Variants in HOXD12 observed in about 807,000 individuals in gnomAD.
HOXD12 encodes the protein homeobox protein Hox-D12.
A neutral mutation model predicts 20.2 loss-of-function variants in HOXD12; 21 were observed. That is an observed-to-expected ratio of 1.04 (90% CI 0.74 to 1.50). The LOEUF is 1.50. Ranked by LOEUF, HOXD12 falls within the 40% of genes most tolerant of loss-of-function variation. The pLI is 0.00. For missense variants in HOXD12, 472 were observed against 365.5 expected, an observed-to-expected ratio of 1.29 and a Z score of -2.38; for synonymous variants, 196 against 168.8, an observed-to-expected ratio of 1.16 and a Z score of -1.25.
rs1689482062 is a variant in HOXD12 at position 176,100,656 on chromosome 2, A to T, written c.709A>T (p.Asn237Tyr). Residue 237 changes from asparagine (N) to tyrosine (Y), a missense_variant, in exon 2 of 2, where the codon AAT becomes TAT. Physicochemically the swap from Asn to Tyr is moderately radical, Grantham distance 143 (BLOSUM62 -2). Transcript: ENST00000406506. ...INRQKRKELS[N>Y]RLNLSDQQVK... ...CAGGCAGAAACGCAAGGAATTGTCC[A>T]ATAGGCTGAACCTCAGCGACCAGCA... is the stretch of plus-strand genomic sequence containing the variant. The T allele has an allele frequency of 1.9e-6, 3 of 1,613,956 alleles. No individual in the cohort carries two copies. Among genetic ancestry groups the T allele is most frequent in the Non-Finnish European group, 1.7e-6 (2 of 1,179,836 alleles).
Position 176,101,122 on chromosome 2 carries a change from T to C in HOXD12, c.*362T>C. 5.7e-6 allele frequency: 2 copies of C among 353,540 alleles called. No homozygotes were observed. Among genetic ancestry groups the C allele is most frequent in the Non-Finnish European group, 5.2e-6 (1 of 190,638 alleles). The allele number at this position is 353,540 out of a possible 1,614,324, so 21.9% of individuals were successfully genotyped here. On this transcript the variant is annotated 3_prime_UTR_variant, in exon 2 of 2. Coordinates refer to ENST00000406506, the MANE Select transcript of HOXD12 (RefSeq NM_021193.4). ...ACCCAATTCGTTCTCCCTTTCCCCC[T>C]CTCTCCAGCCCCTTCAGCGTATAGC... is the stretch of plus-strand genomic sequence containing the variant.
At position 176,101,177 on chromosome 2, in the gene HOXD12, G is replaced by A. The variant is rs1245247208; in HGVS notation, c.*417G>A. ...GCCTAGTTAGGGCTCAGAGTGGAAG[G>A]CCTCCTGAGGGAATGGAAAGGACTG... On this transcript the variant is annotated 3_prime_UTR_variant, in exon 2 of 2. Transcript: ENST00000406506. 4.5e-6 allele frequency: 1 copy of A among 221,294 alleles called. No homozygotes were observed. Among genetic ancestry groups the A allele is most frequent in the Non-Finnish European group, 9.0e-6 (1 of 111,256 alleles). 13.7% of individuals were successfully genotyped at this position (221,294 alleles called of 1,614,324 possible).
In HOXD12 at chr2:176,099,896, A is replaced by T. The variant is rs901179630; in HGVS notation, c.95A>T (p.Asn32Ile). 13 of 1,594,724 alleles carry T rather than the reference A, an allele frequency of 8.2e-6. No homozygotes were observed. The highest frequency in any genetic ancestry group is 1.1e-5 in the Non-Finnish European group (13 of 1,173,168). ...TTCTACTTCTCCAACCTGAGGCCGA[A>T]TGGCGGCCAGTTGGCCGCGCTTCCC... ...DSFYFSNLRP[N>I]GGQLAALPPI... Residue 32 changes from asparagine (N) to isoleucine (I), a missense_variant, in exon 1 of 2, where the codon AAT becomes ATT. Physicochemically the swap from Asn to Ile is moderately radical, Grantham distance 149. Transcript: ENST00000406506.
In HOXD12 at chr2:176,099,980, C is replaced by T; in HGVS notation, c.179C>T (p.Pro60Leu). The change falls in exon 1 of 2, where the codon CCC becomes CTC. Residue 60 changes from proline (P) to leucine (L), a missense_variant. Coordinates refer to ENST00000406506, the MANE Select transcript of HOXD12 (RefSeq NM_021193.4). Reference sequence around the variant, plus strand: ...GCCGCCACGCCCGCCTCCTGCGCCCCCGCGCAGCCTGCGGGCGCCACTGCC... The same window carrying T: ...GCCGCCACGCCCGCCTCCTGCGCCCTCGCGCAGCCTGCGGGCGCCACTGCC... The part of the protein sequence containing the change: ...PWAATPASCA[P>L]AQPAGATAFG... 1 of 1,591,604 alleles carries T rather than the reference C, an allele frequency of 6.3e-7. No individual in the cohort carries two copies. The highest frequency in any genetic ancestry group is 1.8e-5 in the Admixed American group (1 of 56,566).
rs1214124704 is a variant in HOXD12, at chr2:176,102,214, CACA to C, written c.*1460_*1462del. ...CTCCTTCGCAATTCCTAGCATGATG[CACA>C]ACAACTCAAGGATTCAGGATTCCTT... On this transcript the variant is annotated 3_prime_UTR_variant, in exon 2 of 2. Coordinates refer to ENST00000406506, the MANE Select transcript of HOXD12 (RefSeq NM_021193.4). Among the ~76,000 whole-genome samples the C allele has an allele frequency of 6.6e-6, 1 of 152,220 alleles. No homozygotes were observed. Among genetic ancestry groups the C allele is most frequent in the Non-Finnish European group, 1.5e-5 (1 of 68,042 alleles).
At position 176,101,026 on chromosome 2, in the gene HOXD12, C is replaced by T; in HGVS notation, c.*266C>T. The T allele has an allele frequency of 1.8e-6, 1 of 551,556 alleles. No individual in the cohort carries two copies. The highest frequency in any genetic ancestry group is 3.2e-6 in the Non-Finnish European group (1 of 310,972). The allele number at this position is 551,556 out of a possible 1,614,324, so 34.2% of individuals were successfully genotyped here. On this transcript the variant is annotated 3_prime_UTR_variant, in exon 2 of 2. Coordinates refer to ENST00000406506, the MANE Select transcript of HOXD12 (RefSeq NM_021193.4). ...CGTTGGGGGACTGAGGCCAACTCTC[C>T]TTGCTCCTGGCTGGGGCATTTGCAC...
chr2:176,099,976 GC>G lies in HOXD12; in HGVS notation c.180del (p.Ala61ArgfsTer112), dbSNP rs1559110814. The G allele has an allele frequency of 6.3e-7, 1 of 1,593,088 alleles. No individual in the cohort carries two copies. The highest frequency in any genetic ancestry group is 8.5e-7 in the Non-Finnish European group (1 of 1,170,956). ...LPWAATPASC[A>X]PAQPAGATAF... is the part of the protein sequence containing the mutation. ...CTGGGCCGCCACGCCCGCCTCCTGC[GC>G]CCCCGCGCAGCCTGCGGGCGCCACT... On this transcript the variant is annotated frameshift_variant, in exon 1 of 2. Transcript: ENST00000406506. LOFTEE classifies it high-confidence loss of function.
At position 176,100,062 on chromosome 2, in the gene HOXD12, C is replaced by T. The variant is rs566833254; in HGVS notation, c.261C>T (p.Pro87=). ...GCTCCGGGCCTCTCGGCCTGCAGCCCCCAACAGCCAAAGACGGACCCGAAG... is the reference window on the plus strand; with the variant it reads ...GCTCCGGGCCTCTCGGCCTGCAGCCTCCAACAGCCAAAGACGGACCCGAAG... ...LAGSGPLGLQ[P]PTAKDGPEEQ... Residue 87 remains proline (P), a synonymous_variant, in exon 1 of 2, where the codon CCC becomes CCT. Transcript: ENST00000406506. The T allele has an allele frequency of 3.6e-5, 57 of 1,590,690 alleles. No individual in the cohort carries two copies. The South Asian group carries it at 4.2e-4, about 12-fold the overall frequency.
rs1689509608 is a variant in HOXD12 at position 176,102,287 on chromosome 2, A to T, written c.*1527A>T. ...TTTTCAGTGCAGGACCTGGCCCTAA[A>T]TCTGGAGTGGGCCCCTCACAGAGAG... On this transcript the variant is annotated 3_prime_UTR_variant, in exon 2 of 2. Transcript: ENST00000406506. 6.6e-6 allele frequency among the ~76,000 whole-genome samples: 1 copy of T among 152,170 alleles called. No homozygotes were observed. Among genetic ancestry groups the T allele is most frequent in the Non-Finnish European group, 1.5e-5 (1 of 68,034 alleles).
rs1689492454 is a variant in HOXD12 at position 176,101,308 on chromosome 2, C to A, written c.*548C>A. On this transcript the variant is annotated 3_prime_UTR_variant, in exon 2 of 2. Transcript: ENST00000406506. ...TCCACCCTCCACCCTCCTGTCTGCC[C>A]TGGCTGATTTGAGAGAACAAAAGCC... The A allele has an allele frequency of 6.5e-6, 1 of 153,728 alleles. No individual in the cohort carries two copies. The highest frequency in any genetic ancestry group is 1.4e-5 in the Non-Finnish European group (1 of 69,244). The allele number at this position is 153,728 out of a possible 1,614,324, so 9.5% of individuals were successfully genotyped here.
At position 176,099,923 on chromosome 2, in the gene HOXD12, CT is replaced by C. The variant is rs779393610; in HGVS notation, c.123del (p.Ile42SerfsTer131). On this transcript the variant is annotated frameshift_variant, in exon 1 of 2. Coordinates refer to ENST00000406506, the MANE Select transcript of HOXD12 (RefSeq NM_021193.4). LOFTEE classifies it high-confidence loss of function. Reference protein sequence around the residue: ...PNGGQLAALPPISYPRGALPW... With the variant: ...PNGGQLAALPXISYPRGALPW... ...GGCGGCCAGTTGGCCGCGCTTCCCCCTATCTCCTACCCGCGCGGCGCGCTGC... is the reference window on the plus strand; with the variant it reads ...GGCGGCCAGTTGGCCGCGCTTCCCCCATCTCCTACCCGCGCGGCGCGCTGC... 32 of 1,595,082 alleles carry C rather than the reference CT, an allele frequency of 2.0e-5. No homozygotes were observed. Among genetic ancestry groups the C allele is most frequent in the Non-Finnish European group, 2.4e-5 (28 of 1,173,512 alleles).
rs79246653 is a variant in HOXD12 at position 176,102,327 on chromosome 2, C to T, written c.*1567C>T. Among the ~76,000 whole-genome samples the T allele has an allele frequency of 3.7e-3, 558 of 152,306 alleles. 8 individuals are homozygous for T. The highest frequency in any genetic ancestry group is 0.032 in the East Asian group (164 of 5,182). On this transcript the variant is annotated 3_prime_UTR_variant, in exon 2 of 2. Coordinates refer to ENST00000406506, the MANE Select transcript of HOXD12 (RefSeq NM_021193.4). The stretch of plus-strand genomic sequence containing the variant: ...CTCACAGAGAGCCCTGAGCCTTAGC[C>T]CAACTGACTTCAGTTGATATTTAAA...
chr2:176,100,685 C>G lies in HOXD12; in HGVS notation c.738C>G (p.Val246=). The G allele has an allele frequency of 6.2e-7, 1 of 1,614,020 alleles. No individual in the cohort carries two copies. Among genetic ancestry groups the G allele is most frequent in the Non-Finnish European group, 8.5e-7 (1 of 1,179,876 alleles). Reference sequence around the variant, plus strand: ...GGCTGAACCTCAGCGACCAGCAAGTCAAAATCTGGTTCCAGAACAGGCGTA... The same window carrying G: ...GGCTGAACCTCAGCGACCAGCAAGTGAAAATCTGGTTCCAGAACAGGCGTA... ...SNRLNLSDQQ[V]KIWFQNRRMK... The change falls in exon 2 of 2, where the codon GTC becomes GTG. Residue 246 remains valine (V), a synonymous_variant. Coordinates refer to ENST00000406506, the MANE Select transcript of HOXD12 (RefSeq NM_021193.4).
At position 176,102,022 on chromosome 2, in the gene HOXD12, G is replaced by A. The variant is rs1443952777; in HGVS notation, c.*1262G>A. 1.3e-5 allele frequency among the ~76,000 whole-genome samples: 2 copies of A among 152,208 alleles called. No homozygotes were observed. Among genetic ancestry groups the A allele is most frequent in the Non-Finnish European group, 2.9e-5 (2 of 68,034 alleles). On this transcript the variant is annotated 3_prime_UTR_variant, in exon 2 of 2. Coordinates refer to ENST00000406506, the MANE Select transcript of HOXD12 (RefSeq NM_021193.4). ...CCCAGTGGAGACTTTAAGGCCCTGG[G>A]CCCTGCCAGGCTTGCCTCATGGAGG... is the stretch of plus-strand genomic sequence containing the variant.
At chr2:176,100,486 C>T (rs761488775) in intron 1 of HOXD12, 36 bp from the exon 2 acceptor site, 7 of 1,586,354 alleles carry the variant, frequency 4.4e-6, no homozygotes, top group African/African-American at 1.3e-5. Flanking sequence ...AGACAGAGTA[C>T]GGGCTGGGTT....
Position 176,100,328 on chromosome 2 carries a change from T to G in HOXD12, c.527T>G (p.Val176Gly). The G allele has an allele frequency of 2.5e-6, 4 of 1,612,700 alleles. No individual in the cohort carries two copies. The highest frequency in any genetic ancestry group is 2.5e-6 in the Non-Finnish European group (3 of 1,179,858). The change falls in exon 1 of 2, where the codon GTG becomes GGG. Residue 176 changes from valine to glycine, a missense_variant. By Grantham distance (109) the Val-to-Gly change is moderately radical. Transcript: ENST00000406506. The part of the protein sequence containing the change: ...TKGPLNLNMT[V>G]QAAGVASCLR... ...GGCCCGCTCAACTTGAACATGACAG[T>G]GCAGGCGGCGGGCGTTGCCTCTTGC...
chr2:176,101,003 T>C lies in HOXD12; in HGVS notation c.*243T>C, dbSNP rs149469961. The C allele has an allele frequency of 5.2e-6, 3 of 575,898 alleles. No individual in the cohort carries two copies. Among genetic ancestry groups the C allele is most frequent in the Non-Finnish European group, 9.2e-6 (3 of 324,514 alleles). 35.7% of individuals were successfully genotyped at this position (575,898 alleles called of 1,614,324 possible). A position where few individuals can be genotyped will look rare whatever the true frequency, so the allele number is the denominator to read the frequency against. Reference sequence around the variant, plus strand: ...TCTGGCTGGCCTTAAGGCTTCCACGTTGGGGGACTGAGGCCAACTCTCCTT... The same window carrying C: ...TCTGGCTGGCCTTAAGGCTTCCACGCTGGGGGACTGAGGCCAACTCTCCTT... On this transcript the variant is annotated 3_prime_UTR_variant, in exon 2 of 2. Transcript: ENST00000406506.
chr2:176,099,822 C>T lies in HOXD12; in HGVS notation c.21C>T (p.Tyr7=), dbSNP rs989691870. 1 of 1,526,330 alleles carries T rather than the reference C, an allele frequency of 6.6e-7. No individual in the cohort carries two copies. The highest frequency in any genetic ancestry group is 8.7e-7 in the Non-Finnish European group (1 of 1,142,974). 94.5% of individuals were successfully genotyped at this position (1,526,330 alleles called of 1,614,324 possible). ...TGGAGATGTGTGAGCGCAGTCTCTA[C>T]AGAGCGGGCTATGTGGGCTCGCTTC... The part of the protein sequence containing the change: MCERSL[Y]RAGYVGSLLN... The change falls in exon 1 of 2, where the codon TAC becomes TAT. Residue 7 remains tyrosine (Y), a synonymous_variant. Coordinates refer to ENST00000406506, the MANE Select transcript of HOXD12 (RefSeq NM_021193.4).
rs1004665704 is a variant in HOXD12 at position 176,100,856 on chromosome 2, C to T, written c.*96C>T. The T allele has an allele frequency of 6.4e-5, 53 of 829,438 alleles. No homozygotes were observed. The highest frequency in any genetic ancestry group is 9.6e-5 in the Non-Finnish European group (49 of 512,738). The allele number at this position is 829,438 out of a possible 1,614,324, so 51.4% of individuals were successfully genotyped here. A position where few individuals can be genotyped will look rare whatever the true frequency, so the allele number is the denominator to read the frequency against. On this transcript the variant is annotated 3_prime_UTR_variant, in exon 2 of 2. Transcript: ENST00000406506. ...GGGGCTAAGGCTAAGGCTTTTCCTT[C>T]GGTTCCTTCTCTGCTGGCCCCAGAA...
Sources: gnomAD v4.1 joint callset for allele counts (sites outside exome capture counted in the v4.1 genomes callset) on GRCh38, gnomAD v4.1.1 for gene constraint, MANE v1.5 for transcripts, NCBI Gene and HGNC (gene_info 2026-07-23, HGNC 2026-07-21) for gene names.